The following PDIA2 variants were observed in gnomAD, a reference collection of about 807,000 sequenced individuals.
The protein encoded by PDIA2 is protein disulfide-isomerase A2.
Under a neutral mutation model 51.1 loss-of-function variants are expected in PDIA2, and 76 were observed. The ratio of observed to expected loss-of-function variants is 1.49; its 90% CI spans 1.24 to 1.80. The LOEUF (loss-of-function observed/expected upper bound fraction) is 1.80, where lower values mean the gene tolerates loss of function less well. Among genes scored for constraint, PDIA2 ranks in the 40% most tolerant of loss-of-function variants. The probability of loss-of-function intolerance (pLI) is 0.00; values close to 1 mark genes in which losing one functional copy is unlikely to be tolerated. For synonymous variants in PDIA2, 429 were observed against 309.9 expected (o/e 1.38, Z -4.04); for missense variants, 946 against 706.5 (o/e 1.34, Z -3.84).
Position 286,713 on chromosome 16 carries a change from T to A in PDIA2, c.1400T>A (p.Phe467Tyr). Residue 467 changes from phenylalanine to tyrosine, a missense_variant, in exon 9 of 11, where the codon TTC (phenylalanine) becomes TAC (tyrosine). Phe to Tyr is a conservative substitution (Grantham distance 22, BLOSUM62 3). Coordinates refer to ENST00000219406, the MANE Select transcript of PDIA2 (RefSeq NM_006849.4). ...AVHGFPTLKY[F>Y]PAGPGRKVIE... Reference sequence around the variant, plus strand: ...CACGGCTTCCCTACTCTCAAGTACTTCCCAGCAGGGCCAGGTCGGAAGGTA... The same window carrying A: ...CACGGCTTCCCTACTCTCAAGTACTACCCAGCAGGGCCAGGTCGGAAGGTA... The A allele has an allele frequency of 2.5e-6, 4 of 1,612,800 alleles. No individual in the cohort carries two copies. The highest frequency in any genetic ancestry group is 3.4e-6 in the Non-Finnish European group (4 of 1,179,966).
Position 284,753 on chromosome 16 carries a change from G to A in PDIA2, c.501G>A (p.Leu167=). The change falls in exon 3 of 11, where the codon CTG becomes CTA. Residue 167 remains leucine, a synonymous_variant. Transcript: ENST00000219406. ...RLEDEAAAQA[L]IGGRDLVVIG... is the part of the protein sequence containing the mutation. ...AGGACGAGGCGGCCGCCCAGGCGCT[G>A]ATCGGTGGCCGGGACCTAGTGGTCA... The A allele has an allele frequency of 6.4e-7, 1 of 1,564,050 alleles. No individual in the cohort carries two copies. Among genetic ancestry groups the A allele is most frequent in the Non-Finnish European group, 8.6e-7 (1 of 1,160,170 alleles).
chr16:284,789 C>T lies in PDIA2; in HGVS notation c.537C>T (p.Phe179=), dbSNP rs1324063281. Residue 179 remains phenylalanine, a synonymous_variant, in exon 3 of 11, where the codon TTC becomes TTT. Transcript: ENST00000219406. ...GGRDLVVIGF[F]QDLQDEDVAT... Reference sequence around the variant, plus strand: ...GGGACCTAGTGGTCATTGGCTTCTTCCAGGTGAGCCACTGGGCATGGGGGG... The same window carrying T: ...GGGACCTAGTGGTCATTGGCTTCTTTCAGGTGAGCCACTGGGCATGGGGGG... 1.3e-6 allele frequency: 2 copies of T among 1,573,372 alleles called. No individual in the cohort carries two copies. The highest frequency in any genetic ancestry group is 1.7e-5 in the Admixed American group (1 of 57,276).
Position 285,489 on chromosome 16 carries a change from T to C in PDIA2, c.922-17T>C. Reference sequence around the variant, plus strand: ...AGCGGGAGAGTGGCCGGTGCCAGCATGGACTCCCTGCCACAGGTGCTGTTC... The same window carrying C: ...AGCGGGAGAGTGGCCGGTGCCAGCACGGACTCCCTGCCACAGGTGCTGTTC... On this transcript the variant is annotated splice_polypyrimidine_tract_variant and intron_variant, in intron 6 of 10. Coordinates refer to ENST00000219406, the MANE Select transcript of PDIA2 (RefSeq NM_006849.4). 1 of 1,612,290 alleles carries C rather than the reference T, an allele frequency of 6.2e-7. No homozygotes were observed. The highest frequency in any genetic ancestry group is 8.5e-7 in the Non-Finnish European group (1 of 1,179,846).
intron 7 of PDIA2, among the ~76,000 whole-genome samples, 188 bp downstream of exon 7, chr16:285,891 A>ACCCCCAAC (rs1386819172): frequency 1.5e-5 from 1 of 65,886 alleles, no homozygotes; most frequent in Non-Finnish European, 2.9e-5. Context: ...CCAACCCCAA[A>ACCCCCAAC]CCCGCGGTTC....
chr16:285,276 G>A (rs760038412), intron 5 of PDIA2, 36 bp from the exon 6 acceptor site: 1 of 1,612,044 alleles, frequency 6.2e-7, no homozygotes, highest in Non-Finnish European at 8.5e-7. Flanking sequence ...CTAGGCTGGG[G>A]GTCCTGTGGA....
intron 1 of PDIA2, among the ~76,000 whole-genome samples, chr16:283,990 G>T (rs1175672390): frequency 1.3e-5 from 2 of 152,148 alleles, no homozygotes; most frequent in Non-Finnish European, 2.9e-5. Context: ...TCAGCCTCCC[G>T]AGTAGCTGGG....
intron 9 of PDIA2, 38 bp from the exon 10 acceptor site, chr16:286,797 G>A (rs779712951): frequency 6.2e-7 from 1 of 1,611,668 alleles, no homozygotes; most frequent in Non-Finnish European, 8.5e-7. Flanking sequence ...ATGGGGCTGG[G>A]CCCCACGTGT....
At position 286,558 on chromosome 16, in the gene PDIA2, C is replaced by T. The variant is rs775769445; in HGVS notation, c.1245C>T (p.Ala415=). The T allele has an allele frequency of 3.1e-6, 5 of 1,612,816 alleles. No homozygotes were observed. Among genetic ancestry groups the T allele is most frequent in the Admixed American group, 3.3e-5 (2 of 60,002 alleles). Residue 415 remains alanine, a synonymous_variant, in exon 9 of 11, where the codon GCC becomes GCT. Transcript: ENST00000219406. ...ETKNVFVKFY[A]PWCTHCKEMA... ...GCTCAACGGCTCCCATCCTAGATGCCCCGTGGTGCACCCACTGCAAGGAGA... is the reference window on the plus strand; with the variant it reads ...GCTCAACGGCTCCCATCCTAGATGCTCCGTGGTGCACCCACTGCAAGGAGA...
chr16:284,514 TGA>T lies in PDIA2; in HGVS notation c.329_330del (p.Glu110GlyfsTer31). On this transcript the variant is annotated frameshift_variant, in exon 2 of 11. Coordinates refer to ENST00000219406, the MANE Select transcript of PDIA2 (RefSeq NM_006849.4). LOFTEE classifies it high-confidence loss of function. ...VDGPAQRELA[E>X]EFGVTEYPTL... ...ATGGGCCCGCGCAGCGCGAGCTGGC[TGA>T]GGAGTTTGGTGTGACGGAGTACCCT... The T allele has an allele frequency of 6.2e-7, 1 of 1,612,284 alleles. No individual in the cohort carries two copies. Among genetic ancestry groups the T allele is most frequent in the East Asian group, 2.2e-5 (1 of 44,844 alleles).
At position 284,896 on chromosome 16, in the gene PDIA2, G is replaced by A. The variant is rs372580263; in HGVS notation, c.559G>A (p.Val187Met). The change falls in exon 4 of 11, where the codon GTG becomes ATG. Residue 187 changes from valine to methionine, a missense_variant. Val to Met is a conservative substitution (Grantham distance 21, BLOSUM62 1). Coordinates refer to ENST00000219406, the MANE Select transcript of PDIA2 (RefSeq NM_006849.4). ...CCCTCAGGACCTGCAGGACGAGGAC[G>A]TGGCCACCTTCTTGGCCTTGGCCCA... ...GFFQDLQDED[V>M]ATFLALAQDA... 120 of 1,612,588 alleles carry A rather than the reference G, an allele frequency of 7.4e-5. No individual in the cohort carries two copies. Among genetic ancestry groups the A allele is most frequent in the Middle Eastern group, 1.6e-4 (1 of 6,084 alleles).
At position 285,379 on chromosome 16, in the gene PDIA2, C is replaced by T. The variant is rs749211265; in HGVS notation, c.863C>T (p.Ala288Val). The T allele has an allele frequency of 6.2e-7, 1 of 1,612,666 alleles. No individual in the cohort carries two copies. ...HLLLFVNQTL[A>V]AHRELLAGFG... is the part of the protein sequence containing the mutation. ...CTGCTGTTTGTCAACCAGACGCTGG[C>T]TGCGCACCGGGAGCTCCTAGCGGGC... is the stretch of plus-strand genomic sequence containing the variant. The change falls in exon 6 of 11, where the codon GCT becomes GTT. Residue 288 changes from alanine to valine, a missense_variant. Physicochemically the swap from Ala to Val is moderately conservative, Grantham distance 64. Transcript: ENST00000219406.
intron 1 of PDIA2, chr16:284,017 A>C: frequency 3.1e-6 from 1 of 322,734 alleles, no homozygotes; most frequent in Non-Finnish European, 6.1e-6. Context: ...GGCATACGCA[A>C]CCAATCCCGG....
Position 285,135 on chromosome 16 carries a change from C to T in PDIA2, c.730C>T (p.Leu244=). The change falls in exon 5 of 11, where the codon CTG becomes TTG. Residue 244 remains leucine, a synonymous_variant. Coordinates refer to ENST00000219406, the MANE Select transcript of PDIA2 (RefSeq NM_006849.4). ...FPVDEELGLD[L]GDLSRFLVTH... is the part of the protein sequence containing the mutation. ...CGTGGACGAGGAGCTTGGCCTGGAC[C>T]TGGGGGATCTGTCGCGCTTCCTGGT... is the stretch of plus-strand genomic sequence containing the variant. 1 of 1,613,072 alleles carries T rather than the reference C, an allele frequency of 6.2e-7. No individual in the cohort carries two copies. The highest frequency in any genetic ancestry group is 8.5e-7 in the Non-Finnish European group (1 of 1,179,988).
At position 283,323 on chromosome 16, in the gene PDIA2, C is replaced by T. The variant is rs948991755; in HGVS notation, c.154C>T (p.Leu52=). 1.9e-6 allele frequency: 3 copies of T among 1,609,620 alleles called. No individual in the cohort carries two copies. The highest frequency in any genetic ancestry group is 1.3e-5 in the African/African-American group (1 of 74,814). The change falls in exon 1 of 11, where the codon CTG becomes TTG. Residue 52 remains leucine, a synonymous_variant. Transcript: ENST00000219406. ...GATCTTGGTGCTGAGCCGCCACACC[C>T]TGGGCCTGGCCCTGCGGGAGCACCC... ...DGILVLSRHT[L]GLALREHPAL... is the part of the protein sequence containing the mutation.
In PDIA2 at chr16:285,645, C is replaced by G; in HGVS notation, c.1061C>G (p.Pro354Arg). ...TKKYAPVDGG[P>R]VTAASITAFC... The stretch of plus-strand genomic sequence containing the variant: ...AAGTATGCGCCTGTGGATGGGGGCC[C>G]TGTCACCGCAGCGTCCATCACTGCT... The change falls in exon 7 of 11, where the codon CCT becomes CGT. Residue 354 changes from proline (P) to arginine (R), a missense_variant. By Grantham distance (103) the Pro-to-Arg change is moderately radical. Coordinates refer to ENST00000219406, the MANE Select transcript of PDIA2 (RefSeq NM_006849.4). The G allele has an allele frequency of 5.6e-6, 9 of 1,613,312 alleles. No individual in the cohort carries two copies. The highest frequency in any genetic ancestry group is 7.6e-6 in the Non-Finnish European group (9 of 1,179,958).
In PDIA2 at chr16:286,737, TATGG is replaced by T; in HGVS notation, c.1422+3_1422+6del. On this transcript the variant is annotated splice_donor_5th_base_variant and intron_variant, in intron 9 of 10. Coordinates refer to ENST00000219406, the MANE Select transcript of PDIA2 (RefSeq NM_006849.4). ...TTCCCAGCAGGGCCAGGTCGGAAGGTATGGCGGACAGGTGGCTGGGGAGGAAGCC... is the reference window on the plus strand; with the variant it reads ...TTCCCAGCAGGGCCAGGTCGGAAGGTCGGACAGGTGGCTGGGGAGGAAGCC... 1 of 1,612,760 alleles carries T rather than the reference TATGG, an allele frequency of 6.2e-7. No individual in the cohort carries two copies.
chr16:284,025 C>T (rs945385024), intron 1 of PDIA2: 15 of 331,968 alleles, frequency 4.5e-5, no homozygotes, highest in Non-Finnish European at 6.5e-5. Context: ...CAACCAATCC[C>T]GGCTAATATT....
At chr16:285,794 C>T in intron 7 of PDIA2, 91 bp downstream of exon 7, 7 of 1,418,784 alleles carry the variant, frequency 4.9e-6, no homozygotes, top group Non-Finnish European at 6.7e-6. Flanking sequence ...TCAGAGCCCC[C>T]TGCCCCTGCA....
In PDIA2 at chr16:283,244, A is replaced by G; in HGVS notation, c.75A>G (p.Gly25=). 2 of 1,610,238 alleles carry G rather than the reference A, an allele frequency of 1.2e-6. No homozygotes were observed. The highest frequency in any genetic ancestry group is 1.7e-5 in the Admixed American group (1 of 59,768). ...CGTGCCCATGGGGTCAGGAACAGGG[A>G]GCGAGGAGCCCCTCGGAGGAGCCTC... is the stretch of plus-strand genomic sequence containing the variant. ...RASCPWGQEQ[G]ARSPSEEPPE... The change falls in exon 1 of 11, where the codon GGA becomes GGG. Residue 25 remains glycine, a synonymous_variant. Coordinates refer to ENST00000219406, the MANE Select transcript of PDIA2 (RefSeq NM_006849.4).
Sources: allele counts gnomAD v4.1 joint callset (sites outside exome capture counted in the v4.1 genomes callset), GRCh38; gene constraint gnomAD v4.1.1; transcripts MANE v1.5; gene names NCBI Gene and HGNC (gene_info 2026-07-23, HGNC 2026-07-21).